Variants in ATAT1 observed in about 807,000 individuals in gnomAD.
The protein encoded by ATAT1 is alpha-tubulin N-acetyltransferase 1.
A neutral mutation model predicts 57.2 loss-of-function variants in ATAT1; 42 were observed. That is an observed-to-expected ratio of 0.73 (90% CI 0.57 to 0.95). The LOEUF (loss-of-function observed/expected upper bound fraction) is 0.95. Ranked by LOEUF, ATAT1 falls within the 40% of genes least tolerant of loss-of-function variation. ATAT1 has a pLI of 0.00. For synonymous variants in ATAT1, 168 were observed against 187.1 expected, an observed-to-expected ratio of 0.90 and a Z score of 0.83; for missense variants, 454 against 523.7, an observed-to-expected ratio of 0.87 and a Z score of 1.30.
chr6:30,639,893 G>A (rs1396766892), intron 6 of ATAT1, among the ~76,000 whole-genome samples: 2 of 152,010 alleles, frequency 1.3e-5, no homozygotes, highest in Non-Finnish European at 2.9e-5. Flanking sequence ...CAGGACTTTT[G>A]GAGGCTGAGG....
Position 30,632,508 on chromosome 6 carries a change from G to T in ATAT1, c.501+4078G>T, listed in dbSNP as rs369620754. 1.5e-4 allele frequency among the ~76,000 whole-genome samples: 23 copies of T among 152,118 alleles called. 3 individuals are homozygous for T. Among genetic ancestry groups the T allele is most frequent in the East Asian group, 1.2e-3 (6 of 5,180 alleles). On this transcript the variant is annotated intron_variant, in intron 6 of 12. Coordinates refer to ENST00000330083, the MANE Select transcript of ATAT1 (RefSeq NM_001031722.4). ...AATCGCTTGAACCTGGGAGGCAGAG[G>T]TTGCAGTGAGCTGAGATCGCACTAC... is the stretch of plus-strand genomic sequence containing the variant.
Position 30,628,307 on chromosome 6 carries a change from C to T in ATAT1, c.400-22C>T, listed in dbSNP as rs374782991. 2.1e-4 allele frequency: 340 copies of T among 1,608,508 alleles called. 1 individual carries two copies. The highest frequency in any genetic ancestry group is 1.7e-3 in the South Asian group (158 of 91,008). ...TGCTTTCCCCATACTTCCTCCTACC[C>T]TGAGTCTCCTTTTCCCTGCAGAAGG... On this transcript the variant is annotated intron_variant, in intron 5 of 12. Coordinates refer to ENST00000330083, the MANE Select transcript of ATAT1 (RefSeq NM_001031722.4).
Position 30,642,177 on chromosome 6 carries a change from T to C in ATAT1, c.618T>C (p.Ala206=), listed in dbSNP as rs939687902. Residue 206 remains alanine, a splice_region_variant and synonymous_variant, in exon 9 of 13, where the codon GCT becomes GCC. Coordinates refer to ENST00000330083, the MANE Select transcript of ATAT1 (RefSeq NM_001031722.4). ...TGCCTATGTCCCCTCCACTGCCAGC[T>C]CCAGCAAGGAAGCTGCCACCCAAGA... 1 of 1,614,032 alleles carries C rather than the reference T, an allele frequency of 6.2e-7. No individual in the cohort carries two copies. The highest frequency in any genetic ancestry group is 8.5e-7 in the Non-Finnish European group (1 of 1,180,000).
intron 8 of ATAT1, chr6:30,641,767 G>A: frequency 2.0e-6 from 2 of 1,011,614 alleles, no homozygotes; most frequent in Non-Finnish European, 2.4e-6. Flanking sequence ...ATTAACCAAG[G>A]GCTTTGTCCA....
chr6:30,630,186 T>C (rs1296184948), intron 6 of ATAT1, among the ~76,000 whole-genome samples: 1 of 151,924 alleles, frequency 6.6e-6, no homozygotes, highest in African/African-American at 2.4e-5. Context: ...CCAGGCGTGG[T>C]GGCACGAGCC....
chr6:30,631,529 AG>A (rs1247052533), intron 6 of ATAT1, among the ~76,000 whole-genome samples: 2 of 151,982 alleles, frequency 1.3e-5, no homozygotes, highest in Admixed American at 1.3e-4. Context: ...CTGCAATCCT[AG>A]TACTTAGGGA....
At chr6:30,628,900 AC>A (rs1289087315) in intron 6 of ATAT1, among the ~76,000 whole-genome samples, 1 of 136,478 alleles carries the variant, frequency 7.3e-6, no homozygotes, top group East Asian at 2.1e-4. Context: ...ACCGCATCTG[AC>A]TTTTTTTTTT....
intron 8 of ATAT1, 178 bp from the exon 9 acceptor site, chr6:30,641,998 A>G (rs1765550205): frequency 6.8e-7 from 1 of 1,474,034 alleles, no homozygotes; most frequent in Non-Finnish European, 9.0e-7. Context: ...AGTGTTCCAC[A>G]TTCCCCTCAA....
intron 10 of ATAT1, among the ~76,000 whole-genome samples, chr6:30,645,405 A>G (rs3094101): frequency 0.37 from 56,427 of 151,706 alleles, 10,744 homozygotes; most frequent in Middle Eastern, 0.47. Flanking sequence ...TAGTAGAGAC[A>G]GGGTTTCACC....
chr6:30,644,474 C>G (rs1766233689), intron 10 of ATAT1: 1 of 985,688 alleles, frequency 1.0e-6, no homozygotes, highest in African/African-American at 1.7e-5. Context: ...CAGAGTATAG[C>G]TAGATCCCTT....
At chr6:30,627,368 G>C (rs1761902021) in intron 1 of ATAT1, 92 bp from the exon 2 acceptor site, 3 of 1,606,438 alleles carry the variant, frequency 1.9e-6, no homozygotes, top group East Asian at 2.2e-5. Flanking sequence ...GTTAAACCTG[G>C]GTTGGAGTTG....
At chr6:30,646,265 T>TCCCC in intron 12 of ATAT1, 156 bp downstream of exon 12, 1 of 1,458,098 alleles carries the variant, frequency 6.9e-7, no homozygotes, top group Middle Eastern at 2.5e-4. Flanking sequence ...CAAGCCCCTT[T>TCCCC]CCCCCACAGG....
intron 6 of ATAT1, among the ~76,000 whole-genome samples, chr6:30,631,130 C>T (rs1165683413): frequency 6.6e-6 from 1 of 152,008 alleles, no homozygotes; most frequent in Admixed American, 6.6e-5. Context: ...TGTGGGATTG[C>T]AGGTTGAAAG....
In ATAT1 at chr6:30,626,990, C is replaced by T. The variant is rs1421008038; in HGVS notation, c.-214C>T. 6.3e-7 allele frequency: 1 copy of T among 1,591,952 alleles called. No homozygotes were observed. The highest frequency in any genetic ancestry group is 8.6e-7 in the Non-Finnish European group (1 of 1,168,952). On this transcript the variant is annotated 5_prime_UTR_variant, in exon 1 of 13. Transcript: ENST00000330083. The stretch of plus-strand genomic sequence containing the variant: ...GCCGACCCGGAACCACAACGCCGGC[C>T]CGGTGACAGCTCAAACCCACCCTCT...
Position 30,642,833 on chromosome 6 carries a change from G to GGGGGGGGCCCCCCCCCCCCCCCCCCCC in ATAT1, c.754_755insGGGGGGGCCCCCCCCCCCCCCCCCCCC (p.Ala252delinsGlyGlyGlyProProProProProProPro). 5.2e-6 allele frequency: 8 copies of GGGGGGGGCCCCCCCCCCCCCCCCCCCC among 1,537,800 alleles called. No individual in the cohort carries two copies. The highest frequency in any genetic ancestry group is 2.4e-5 in the East Asian group (1 of 42,456). ...GGCCCCTCGCCGCGCCACACCTCCA[G>GGGGGGGGCCCCCCCCCCCCCCCCCCCC]CCCACCCACCCCCCCGCTCCAGCAG... is the stretch of plus-strand genomic sequence containing the variant. On this transcript the variant is annotated protein_altering_variant, in exon 10 of 13. Transcript: ENST00000330083.
rs541883536 is a variant in ATAT1, at chr6:30,646,110, G to A, written c.1055+1G>A. ...AGGGAGAACAGGAAACAAAGAATAGGTGAGGTCTAAACCCCTCCCCTAACA... is the reference window on the plus strand; with the variant it reads ...AGGGAGAACAGGAAACAAAGAATAGATGAGGTCTAAACCCCTCCCCTAACA... On this transcript the variant is annotated splice_donor_variant, in intron 12 of 12. Transcript: ENST00000330083. LOFTEE classifies it high-confidence loss of function. 73 of 1,608,128 alleles carry A rather than the reference G, an allele frequency of 4.5e-5. No individual in the cohort carries two copies. In the African/African-American group the frequency reaches 8.2e-4, roughly 18 times the overall value.
intron 10 of ATAT1, among the ~76,000 whole-genome samples, chr6:30,645,008 A>G (rs535136111): frequency 5.3e-5 from 8 of 152,170 alleles, no homozygotes; most frequent in East Asian, 1.9e-4. Flanking sequence ...CTCTGGATCC[A>G]CTAATTACCT....
In ATAT1 at chr6:30,638,578, T is replaced by G. The variant is rs375560599; in HGVS notation, c.502-1799T>G. Among the ~76,000 whole-genome samples, 639 of 151,422 alleles carry G rather than the reference T, an allele frequency of 4.2e-3. 5 individuals carry two copies. The highest frequency in any genetic ancestry group is 0.022 in the East Asian group (112 of 5,144). ...ATCCACCACGCCTGGCCCCCGAGTTTTTTTTTTTTTTTTGAGACGGAGTCT... is the reference window on the plus strand; with the variant it reads ...ATCCACCACGCCTGGCCCCCGAGTTGTTTTTTTTTTTTTGAGACGGAGTCT... On this transcript the variant is annotated intron_variant, in intron 6 of 12. Transcript: ENST00000330083.
chr6:30,641,495 C>T (rs1338535991), intron 8 of ATAT1, among the ~76,000 whole-genome samples: 3 of 152,126 alleles, frequency 2.0e-5, no homozygotes, highest in Non-Finnish European at 4.4e-5. Context: ...GCTGAGAAGT[C>T]TTTCATTTGC....
Sources: allele counts gnomAD v4.1 joint callset (sites outside exome capture counted in the v4.1 genomes callset), GRCh38; gene constraint gnomAD v4.1.1; transcripts MANE v1.5; gene names NCBI Gene and HGNC (gene_info 2026-07-23, HGNC 2026-07-21).